The following KIAA1328 variants were observed in gnomAD, a reference collection of about 807,000 sequenced individuals.
KIAA1328 encodes KIAA1328.
A neutral mutation model predicts 68.1 loss-of-function variants in KIAA1328; 52 were observed. That is an observed-to-expected ratio of 0.76 (90% CI 0.61 to 0.96). The LOEUF (loss-of-function observed/expected upper bound fraction) is 0.96. Ranked by LOEUF, KIAA1328 falls within the 40% of genes least tolerant of loss-of-function variation. The pLI, the probability that KIAA1328 is intolerant of heterozygous loss-of-function variation, is 0.00. For synonymous variants in KIAA1328, 232 were observed against 239.4 expected (o/e 0.97, Z 0.28); for missense variants, 641 against 677.6 (o/e 0.95, Z 0.60).
intron 6 of KIAA1328, among the ~76,000 whole-genome samples, chr18:37,019,851 G>C (rs142265583): frequency 1.2e-4 from 18 of 152,304 alleles, no homozygotes; most frequent in Non-Finnish European, 2.5e-4. Context: ...AGGTAAGGTG[G>C]CTCAGGCTGC....
At chr18:36,891,361 G>C (rs1160997006) in intron 5 of KIAA1328, among the ~76,000 whole-genome samples, 1 of 152,176 alleles carries the variant, frequency 6.6e-6, no homozygotes, top group Non-Finnish European at 1.5e-5. Flanking sequence ...ACATGGACAA[G>C]TTATTTTAAT....
intron 7 of KIAA1328, among the ~76,000 whole-genome samples, chr18:37,090,674 A>G (rs1367283010): frequency 6.6e-6 from 1 of 152,162 alleles, no homozygotes; most frequent in Non-Finnish European, 1.5e-5. Flanking sequence ...AATCCTTATA[A>G]TGTATGATTT....
intron 7 of KIAA1328, among the ~76,000 whole-genome samples, chr18:37,069,012 T>C (rs905551134): frequency 6.6e-6 from 1 of 152,160 alleles, no homozygotes; most frequent in African/African-American, 2.4e-5. Context: ...TTTTTTCTGT[T>C]ACGGATTATA....
At chr18:37,195,902 T>G (rs994374165) in intron 9 of KIAA1328, among the ~76,000 whole-genome samples, 7 of 152,190 alleles carry the variant, frequency 4.6e-5, no homozygotes, top group African/African-American at 1.7e-4. Flanking sequence ...GTGTAGACAT[T>G]TTAACAATAT....
chr18:36,881,093 A>G (rs1568116617), intron 4 of KIAA1328, among the ~76,000 whole-genome samples: 1 of 151,424 alleles, frequency 6.6e-6, no homozygotes, highest in South Asian at 2.1e-4. Context: ...ATGAGTATCT[A>G]TGAACTAAAA....
intron 7 of KIAA1328, among the ~76,000 whole-genome samples, chr18:37,068,315 A>T (rs1290664092): frequency 6.6e-6 from 1 of 152,154 alleles, no homozygotes; most frequent in Non-Finnish European, 1.5e-5. Context: ...TCTAAATTCA[A>T]CCCTTTCTGG....
At chr18:37,136,738 C>T (rs1221745977) in intron 7 of KIAA1328, among the ~76,000 whole-genome samples, 2 of 152,196 alleles carry the variant, frequency 1.3e-5, no homozygotes, top group Non-Finnish European at 2.9e-5. Context: ...TTATATTGAA[C>T]TGACATTTTT....
In KIAA1328 at chr18:36,895,408, G is replaced by A. The variant is rs577781701; in HGVS notation, c.448+9736G>A. ...AGGAGATACTGTTGTGCCAAAGGGCGTCTATGTGAAGGGATGTTTTGGGAT... is the reference window on the plus strand; with the variant it reads ...AGGAGATACTGTTGTGCCAAAGGGCATCTATGTGAAGGGATGTTTTGGGAT... On this transcript the variant is annotated intron_variant, in intron 5 of 9. Coordinates refer to ENST00000280020, the MANE Select transcript of KIAA1328 (RefSeq NM_020776.3). 7.2e-5 allele frequency among the ~76,000 whole-genome samples: 11 copies of A among 152,290 alleles called. No homozygotes were observed. In the South Asian group the frequency reaches 2.1e-3, roughly 29 times the overall value.
chr18:37,133,571 G>T (rs1389854627), intron 7 of KIAA1328, among the ~76,000 whole-genome samples: 16 of 149,368 alleles, frequency 1.1e-4, no homozygotes, highest in Non-Finnish European at 2.1e-4. Flanking sequence ...TGTCGCCCAG[G>T]CTGGAGTGCA....
intron 6 of KIAA1328, among the ~76,000 whole-genome samples, chr18:37,049,895 G>C (rs568295616): frequency 1.3e-5 from 2 of 152,072 alleles, no homozygotes; most frequent in Admixed American, 6.6e-5. Flanking sequence ...TACAGTGTAC[G>C]TACTTTTTCC....
chr18:37,179,936 A>C (rs2059666984), intron 9 of KIAA1328, among the ~76,000 whole-genome samples: 1 of 152,046 alleles, frequency 6.6e-6, no homozygotes, highest in African/African-American at 2.4e-5. Context: ...TCACACTGCC[A>C]GTAACCATTC....
intron 7 of KIAA1328, among the ~76,000 whole-genome samples, chr18:37,142,543 A>G (rs2058790490): frequency 6.6e-6 from 1 of 152,026 alleles, no homozygotes; most frequent in African/African-American, 2.4e-5. Flanking sequence ...CTATTTGCTG[A>G]AAAAAACTTT....
chr18:36,924,695 A>G lies in KIAA1328; in HGVS notation c.449-34613A>G, dbSNP rs530311648. Among the ~76,000 whole-genome samples, 7 of 152,274 alleles carry G rather than the reference A, an allele frequency of 4.6e-5. No individual in the cohort carries two copies. In the South Asian group the frequency reaches 1.2e-3, roughly 27 times the overall value. ...TTGGATAAGATTGCCCAGAGAGAAT[A>G]TGCAGCATGTACAGATCAAAGCCAA... On this transcript the variant is annotated intron_variant, in intron 5 of 9. Transcript: ENST00000280020.
At chr18:37,071,634 C>G (rs1169690608) in intron 7 of KIAA1328, among the ~76,000 whole-genome samples, 1 of 152,080 alleles carries the variant, frequency 6.6e-6, no homozygotes, top group African/African-American at 2.4e-5. Flanking sequence ...ACATACACAT[C>G]ACTTGAGCAA....
intron 7 of KIAA1328, among the ~76,000 whole-genome samples, chr18:37,156,703 A>G (rs189953428): frequency 6.6e-6 from 1 of 152,334 alleles, no homozygotes; most frequent in Admixed American, 6.5e-5. Context: ...GAGGATGGTG[A>G]TATCATTAAG....
chr18:36,837,068 A>G (rs1340052809), intron 3 of KIAA1328, among the ~76,000 whole-genome samples: 1 of 152,192 alleles, frequency 6.6e-6, no homozygotes, highest in East Asian at 1.9e-4. Flanking sequence ...TCATTCATAT[A>G]CAAGTTTTTG....
intron 7 of KIAA1328, among the ~76,000 whole-genome samples, chr18:37,147,281 T>TA (rs1282915240): frequency 6.6e-6 from 1 of 152,240 alleles, no homozygotes; most frequent in Non-Finnish European, 1.5e-5. Flanking sequence ...ATCGTGAATT[T>TA]AAATAAAGTT....
chr18:37,160,497 T>C (rs1202706203), intron 8 of KIAA1328, 116 bp downstream of exon 8: 1 of 884,732 alleles, frequency 1.1e-6, no homozygotes, highest in Non-Finnish European at 1.7e-6. Context: ...GTTTACACAC[T>C]GAAGTGTGCC....
chr18:37,068,987 A>C (rs2056437889), intron 7 of KIAA1328, among the ~76,000 whole-genome samples: 3 of 152,016 alleles, frequency 2.0e-5, no homozygotes, highest in African/African-American at 7.2e-5. Context: ...ATTTTAATGA[A>C]GTCCAATTTA....
Sources: allele counts gnomAD v4.1 joint callset (sites outside exome capture counted in the v4.1 genomes callset), GRCh38; gene constraint gnomAD v4.1.1; transcripts MANE v1.5; gene names NCBI Gene and HGNC (gene_info 2026-07-23, HGNC 2026-07-21).